MPP7: variants seen among roughly 807,000 people sequenced by gnomAD.
MPP7 encodes the protein MAGUK p55 scaffold protein 7.
MPP7 carries 60 observed loss-of-function variants against 76.5 expected under a neutral mutation model. That is an observed-to-expected ratio of 0.78 (90% CI 0.64 to 0.97). The LOEUF (loss-of-function observed/expected upper bound fraction) is 0.97. Among genes scored for constraint, MPP7 ranks in the 50% least tolerant of loss-of-function variants. The pLI is 0.00. For synonymous variants in MPP7, 237 were observed against 244.5 expected (o/e 0.97, Z 0.29); for missense variants, 641 against 694.0 (o/e 0.92, Z 0.86).
At chr10:28,276,438 G>C (rs1008449254) in intron 1 of MPP7, among the ~76,000 whole-genome samples, 8 of 152,070 alleles carry the variant, frequency 5.3e-5, no homozygotes, top group African/African-American at 1.5e-4. Flanking sequence ...ATCTAATATA[G>C]TCCAGCCCAG....
intron 3 of MPP7, among the ~76,000 whole-genome samples, chr10:28,162,942 G>A (rs779707009): frequency 2.0e-5 from 3 of 150,840 alleles, no homozygotes; most frequent in South Asian, 2.1e-4. Context: ...CTACTTCCCC[G>A]TTACACAGAG....
chr10:28,185,563 C>T (rs563603770), intron 3 of MPP7, among the ~76,000 whole-genome samples: 5 of 152,272 alleles, frequency 3.3e-5, no homozygotes, highest in African/African-American at 7.2e-5. Context: ...TCATGGAAGT[C>T]GTTGTCCTCT....
At chr10:28,078,626 T>C (rs902838461) in intron 12 of MPP7, among the ~76,000 whole-genome samples, 2 of 151,894 alleles carry the variant, frequency 1.3e-5, no homozygotes, top group African/African-American at 2.4e-5. Flanking sequence ...ATCTAAAAAA[T>C]ATTTCATAAG....
chr10:28,086,326 C>T (rs60707254), intron 12 of MPP7, among the ~76,000 whole-genome samples: 5,158 of 152,018 alleles, frequency 0.034, 274 homozygotes, highest in African/African-American at 0.11. Context: ...GAAGAGAAAA[C>T]AATGAAAGAA....
intron 3 of MPP7, among the ~76,000 whole-genome samples, chr10:28,183,359 C>T (rs937086353): frequency 1.3e-5 from 2 of 152,118 alleles, no homozygotes; most frequent in African/African-American, 4.8e-5. Flanking sequence ...TATTTCATAA[C>T]ATTTTAAGGG....
chr10:28,068,159 T>C (rs1315555541), intron 13 of MPP7, among the ~76,000 whole-genome samples: 4 of 152,184 alleles, frequency 2.6e-5, no homozygotes, highest in Non-Finnish European at 5.9e-5. Context: ...TAATAACTTA[T>C]ATATTGCAAT....
At chr10:28,273,500 G>T (rs948645132) in intron 1 of MPP7, among the ~76,000 whole-genome samples, 2 of 152,088 alleles carry the variant, frequency 1.3e-5, no homozygotes. Context: ...GCAATTGCTC[G>T]GCGTAGCCTC....
chr10:28,243,490 G>A (rs991573140), intron 1 of MPP7, among the ~76,000 whole-genome samples: 5 of 151,802 alleles, frequency 3.3e-5, no homozygotes, highest in African/African-American at 1.2e-4. Flanking sequence ...TAACACATTA[G>A]AAAATCATGC....
At chr10:28,286,536 T>C (rs898011312) in intron 1 of MPP7, among the ~76,000 whole-genome samples, 4 of 152,140 alleles carry the variant, frequency 2.6e-5, no homozygotes, top group South Asian at 4.2e-4. Context: ...AGGAGACAGA[T>C]CACTGTGAGG....
chr10:28,237,039 C>T (rs1429191178), intron 2 of MPP7: 1 of 152,190 alleles, frequency 6.6e-6, no homozygotes, highest in East Asian at 1.9e-4. Context: ...TGTGGAAAAG[C>T]TCCTTTTAAA....
chr10:28,151,544 C>T (rs1034048829), intron 3 of MPP7, among the ~76,000 whole-genome samples: 2 of 152,192 alleles, frequency 1.3e-5, no homozygotes, highest in African/African-American at 4.8e-5. Context: ...ATGTCTGCTT[C>T]CCTGCTATAA....
intron 2 of MPP7, among the ~76,000 whole-genome samples, chr10:28,215,837 C>G (rs1255275322): frequency 6.6e-6 from 1 of 152,138 alleles, no homozygotes; most frequent in Non-Finnish European, 1.5e-5. Context: ...TGCTGAACAA[C>G]TTATGTAAGC....
intron 2 of MPP7, among the ~76,000 whole-genome samples, chr10:28,217,050 A>AG (rs1231063825): frequency 2.0e-5 from 3 of 152,176 alleles, no homozygotes; most frequent in African/African-American, 7.2e-5. Flanking sequence ...TAAGATATTC[A>AG]GAAAAAAAAT....
At chr10:28,157,376 AG>A (rs1445705718) in intron 3 of MPP7, among the ~76,000 whole-genome samples, 1 of 152,226 alleles carries the variant, frequency 6.6e-6, no homozygotes, top group Non-Finnish European at 1.5e-5. Context: ...GAAATTAATA[AG>A]GAAGCTCACA....
chr10:28,176,973 A>G (rs969687859), intron 3 of MPP7, among the ~76,000 whole-genome samples: 6 of 151,222 alleles, frequency 4.0e-5, no homozygotes, highest in African/African-American at 1.5e-4. Flanking sequence ...ACATGTATAC[A>G]TACGTAACAA....
In MPP7 at chr10:28,152,842, T is replaced by C. The variant is rs570103138; in HGVS notation, c.157-2783A>G. On this transcript the variant is annotated intron_variant, in intron 3 of 16. Transcript: ENST00000683449. ...GTAGACAAATATATAACCAAAGATG[T>C]GGCTTCATCATCAATGAGCAATCTA... Among the ~76,000 whole-genome samples, 4 of 152,300 alleles carry C rather than the reference T, an allele frequency of 2.6e-5. No homozygotes were observed. In the East Asian group the frequency reaches 5.8e-4, roughly 22 times the overall value.
At chr10:28,156,006 A>G (rs2133802129) in intron 3 of MPP7, among the ~76,000 whole-genome samples, 1 of 152,298 alleles carries the variant, frequency 6.6e-6, no homozygotes, top group South Asian at 2.1e-4. Context: ...TACGTTAGAG[A>G]TTTAACTGTT....
chr10:28,130,053 AG>A (rs1319763037), intron 6 of MPP7, among the ~76,000 whole-genome samples: 4 of 152,146 alleles, frequency 2.6e-5, no homozygotes, highest in Admixed American at 6.6e-5. Flanking sequence ...CTGTTCTCTG[AG>A]GTAACCATTC....
intron 1 of MPP7, among the ~76,000 whole-genome samples, chr10:28,281,411 A>G (rs1177028996): frequency 6.6e-6 from 1 of 152,072 alleles, no homozygotes; most frequent in Non-Finnish European, 1.5e-5. Context: ...CTAAAAAGGA[A>G]GATGACTTCT....
Sources: gnomAD v4.1 joint callset for allele counts (sites outside exome capture counted in the v4.1 genomes callset) on GRCh38, gnomAD v4.1.1 for gene constraint, MANE v1.5 for transcripts, NCBI Gene and HGNC (gene_info 2026-07-23, HGNC 2026-07-21) for gene names.